The following LYPD6 variants were observed in gnomAD, a reference collection of about 807,000 sequenced individuals.
LYPD6 encodes LY6/PLAUR domain containing 6.
In LYPD6, 15 loss-of-function variants were observed where a neutral mutation model predicts 22.7. The ratio of observed to expected loss-of-function variants is 0.66; its 90% CI spans 0.44 to 1.02. The LOEUF (loss-of-function observed/expected upper bound fraction) is 1.02. LYPD6 is among the 50% of genes least tolerant of loss of function. The pLI is 0.00. For missense variants in LYPD6, 189 were observed against 208.4 expected (o/e 0.91, Z 0.57); for synonymous variants, 72 against 77.5 (o/e 0.93, Z 0.37).
At chr2:149,414,647 G>A (rs538025662) in intron 1 of LYPD6, among the ~76,000 whole-genome samples, 3 of 152,076 alleles carry the variant, frequency 2.0e-5, no homozygotes, top group Admixed American at 6.6e-5. Context: ...GGCTTGGCCC[G>A]TATTGAATTC....
chr2:149,366,777 C>T (rs758869980), intron 1 of LYPD6, among the ~76,000 whole-genome samples: 1 of 152,282 alleles, frequency 6.6e-6, no homozygotes, highest in East Asian at 1.9e-4. Context: ...TGCTAACACA[C>T]ATCTAGCAAA....
At chr2:149,431,147 C>T (rs1232710249) in intron 1 of LYPD6, among the ~76,000 whole-genome samples, 2 of 152,052 alleles carry the variant, frequency 1.3e-5, no homozygotes, top group East Asian at 3.9e-4. Flanking sequence ...TGCAAAAGCT[C>T]ATAAATAACA....
chr2:149,437,934 A>G (rs947172694), intron 2 of LYPD6, 108 bp downstream of exon 2: 1 of 1,183,258 alleles, frequency 8.5e-7, no homozygotes, highest in Non-Finnish European at 1.2e-6. Context: ...ACCTCCCGTG[A>G]TTTAACTGGG....
chr2:149,359,621 GA>G, intron 1 of LYPD6, among the ~76,000 whole-genome samples: 1 of 152,328 alleles, frequency 6.6e-6, no homozygotes, highest in East Asian at 1.9e-4. Context: ...TTAAATTACA[GA>G]AAAGGACCAG....
chr2:149,348,061 C>CAAAAAAAAAAAAAAAAAA (rs58228847), intron 1 of LYPD6, among the ~76,000 whole-genome samples: 4 of 76,718 alleles, frequency 5.2e-5, no homozygotes, highest in Admixed American at 1.7e-4. Flanking sequence ...ACTAAAAATA[C>CAAAAAAAAAAAAAAAAAA]AAAAAAAAAA....
chr2:149,427,036 C>G (rs1427333856), intron 1 of LYPD6, among the ~76,000 whole-genome samples: 1 of 152,150 alleles, frequency 6.6e-6, no homozygotes, highest in Non-Finnish European at 1.5e-5. Flanking sequence ...CTTCTTGTTT[C>G]TGAAGATTTG....
chr2:149,391,423 T>A (rs1218876317), intron 1 of LYPD6, among the ~76,000 whole-genome samples: 1 of 152,114 alleles, frequency 6.6e-6, no homozygotes, highest in Non-Finnish European at 1.5e-5. Context: ...CCTTAAGGGA[T>A]GGCATGGACT....
chr2:149,406,273 A>G (rs1279147646), intron 1 of LYPD6, among the ~76,000 whole-genome samples: 5 of 152,024 alleles, frequency 3.3e-5, no homozygotes, highest in Non-Finnish European at 5.9e-5. Context: ...AGCTGAGTTC[A>G]ATTCCTGGGT....
chr2:149,398,485 C>T (rs1682477059), intron 1 of LYPD6, among the ~76,000 whole-genome samples: 2 of 151,050 alleles, frequency 1.3e-5, no homozygotes, highest in African/African-American at 4.9e-5. Context: ...GTTTTTGTCT[C>T]CTGGCTGTCC....
rs1681591322 is a variant in LYPD6, at chr2:149,362,540, TACA to T, written c.-72+31822_-72+31824del. 2.6e-5 allele frequency among the ~76,000 whole-genome samples: 4 copies of T among 152,182 alleles called. No individual in the cohort carries two copies. In the South Asian group the frequency reaches 8.3e-4, roughly 32 times the overall value. On this transcript the variant is annotated intron_variant, in intron 1 of 4. Transcript: ENST00000334166. ...ACTGTCTTAATCCATTTTGTGCTGC[TACA>T]ACAGAATGGCTGAGACTAGGCAACT...
At chr2:149,352,009 A>G (rs908530739) in intron 1 of LYPD6, among the ~76,000 whole-genome samples, 3 of 152,088 alleles carry the variant, frequency 2.0e-5, no homozygotes, top group African/African-American at 4.8e-5. Flanking sequence ...GAATTTGCTG[A>G]GAAAGGTGTT....
rs560337569 is a variant in LYPD6, at chr2:149,386,128, G to A, written c.-71-51510G>A. Among the ~76,000 whole-genome samples, 5 of 152,162 alleles carry A rather than the reference G, an allele frequency of 3.3e-5. No homozygotes were observed. In the East Asian group the frequency reaches 9.7e-4, roughly 29 times the overall value. ...TGTAAAGAGATAAATAGCATGTGGG[G>A]GAAGTTACCCCTTCTTGAAGAATGA... is the stretch of plus-strand genomic sequence containing the variant. On this transcript the variant is annotated intron_variant, in intron 1 of 4. Transcript: ENST00000334166.
At chr2:149,481,400 C>T in the LYPD6 span, among the ~76,000 whole-genome samples, 6 of 152,206 alleles carry the variant, frequency 3.9e-5, no homozygotes, top group Non-Finnish European at 7.3e-5. Context: ...TTTCACAAAG[C>T]AATTTGGCAG....
intron 1 of LYPD6, among the ~76,000 whole-genome samples, chr2:149,331,263 C>T (rs1158995381): frequency 6.6e-6 from 1 of 152,218 alleles, no homozygotes; most frequent in Non-Finnish European, 1.5e-5. Flanking sequence ...GCCATCCACC[C>T]CGACAACCCA....
intron 1 of LYPD6, among the ~76,000 whole-genome samples, chr2:149,339,834 T>C (rs1185437847): frequency 6.6e-6 from 1 of 152,178 alleles, no homozygotes; most frequent in Non-Finnish European, 1.5e-5. Context: ...GGTGTATGCG[T>C]GAGTAATTAC....
intron 2 of LYPD6, 28 bp downstream of exon 2, chr2:149,437,854 T>C (rs928589734): frequency 6.2e-7 from 1 of 1,611,288 alleles, no homozygotes; most frequent in Non-Finnish European, 8.5e-7. Flanking sequence ...GCTGCAGAAA[T>C]ATCACTTTAT....
At chr2:149,417,006 G>A (rs974705837) in intron 1 of LYPD6, among the ~76,000 whole-genome samples, 3 of 152,166 alleles carry the variant, frequency 2.0e-5, no homozygotes, top group Non-Finnish European at 4.4e-5. Flanking sequence ...CTATGGACCA[G>A]CCAGTCCACA....
chr2:149,384,450 C>T (rs1682134834), intron 1 of LYPD6, among the ~76,000 whole-genome samples: 1 of 152,174 alleles, frequency 6.6e-6, no homozygotes, highest in African/African-American at 2.4e-5. Context: ...CTCCAAGTTG[C>T]CTATGCTAGA....
chr2:149,429,954 T>C (rs2105142172), intron 1 of LYPD6, among the ~76,000 whole-genome samples: 1 of 152,320 alleles, frequency 6.6e-6, no homozygotes, highest in East Asian at 1.9e-4. Context: ...AGTTGCATCA[T>C]GCTCTATGAC....
Sources: allele counts gnomAD v4.1 joint callset (sites outside exome capture counted in the v4.1 genomes callset), GRCh38; gene constraint gnomAD v4.1.1; transcripts MANE v1.5; gene names NCBI Gene and HGNC (gene_info 2026-07-23, HGNC 2026-07-21).